RALGAPA2: variants seen among roughly 807,000 people sequenced by gnomAD.
RALGAPA2 encodes ral GTPase-activating protein subunit alpha-2.
In RALGAPA2, 139 loss-of-function variants were observed where a neutral mutation model predicts 230.4. That is an observed-to-expected ratio of 0.60 (90% CI 0.53 to 0.69). The LOEUF is 0.69. Ranked by LOEUF, RALGAPA2 falls within the 30% of genes least tolerant of loss-of-function variation. RALGAPA2 has a pLI of 0.00. For missense variants in RALGAPA2, 2,163 were observed against 2,276.0 expected, an observed-to-expected ratio of 0.95 and a Z score of 1.01; for synonymous variants, 847 against 837.8, an observed-to-expected ratio of 1.01 and a Z score of -0.19.
At chr20:20,637,591 C>T in intron 7 of RALGAPA2, 90 bp from the exon 8 acceptor site, 1 of 1,167,334 alleles carries the variant, frequency 8.6e-7, no homozygotes, top group Non-Finnish European at 1.2e-6. Context: ...TACTAAAATT[C>T]CTAACCTAAA....
chr20:20,393,084 G>T lies in RALGAPA2; in HGVS notation c.*205C>A. 7.4e-7 allele frequency: 1 copy of T among 1,346,890 alleles called. No homozygotes were observed. Among genetic ancestry groups the T allele is most frequent in the Admixed American group, 2.0e-5 (1 of 50,332 alleles). The allele number at this position is 1,346,890 out of a possible 1,614,324, so 83.4% of individuals were successfully genotyped here. A position where few individuals can be genotyped will look rare whatever the true frequency, so the allele number is the denominator to read the frequency against. The stretch of plus-strand genomic sequence containing the variant: ...AGACACGGTAGTGGGATTCACCATG[G>T]GCTTCAGAAGTCCACTAATGGGAAG... On this transcript the variant is annotated 3_prime_UTR_variant, in exon 40 of 40. Coordinates refer to ENST00000202677, the MANE Select transcript of RALGAPA2 (RefSeq NM_020343.4).
Position 20,712,600 on chromosome 20 carries a change from T to TGCC in RALGAPA2, c.-121_-120insGGC, listed in dbSNP as rs1555833888. On this transcript the variant is annotated 5_prime_UTR_variant, in exon 1 of 40. Coordinates refer to ENST00000202677, the MANE Select transcript of RALGAPA2 (RefSeq NM_020343.4). The surrounding 1 kb of genome is among the most constrained non-coding windows in gnomAD (Gnocchi z 5.5). ...GGCCACTCGCCGCCCCCAGCCCCGC[T>TGCC]GCTGCCGCCGCCGCCGCCGCCGCCG... 6 of 1,161,794 alleles carry TGCC rather than the reference T, an allele frequency of 5.2e-6. No individual in the cohort carries two copies. In the African/African-American group the frequency reaches 6.6e-5, roughly 13 times the overall value. The allele number at this position is 1,161,794 out of a possible 1,614,324, so 72.0% of individuals were successfully genotyped here.
At chr20:20,524,756 T>C (rs2063149638) in intron 29 of RALGAPA2, 74 bp downstream of exon 29, 5 of 1,381,018 alleles carry the variant, frequency 3.6e-6, no homozygotes, top group East Asian at 2.5e-5. Flanking sequence ...TCACTAGTTG[T>C]AACATTATTT....
At chr20:20,542,278 A>G (rs1469449362) in intron 24 of RALGAPA2, among the ~76,000 whole-genome samples, 2 of 152,194 alleles carry the variant, frequency 1.3e-5, no homozygotes, top group Non-Finnish European at 2.9e-5. Context: ...ACAAATGGAA[A>G]AACATTCCAT....
intron 28 of RALGAPA2, among the ~76,000 whole-genome samples, chr20:20,525,896 G>A (rs1174998970): frequency 6.6e-6 from 1 of 152,164 alleles, no homozygotes; most frequent in African/African-American, 2.4e-5. Context: ...CACAACAGCT[G>A]CCCCCCTCCA....
intron 1 of RALGAPA2, among the ~76,000 whole-genome samples, chr20:20,703,745 C>T (rs2069487979): frequency 6.6e-6 from 1 of 152,046 alleles, no homozygotes; most frequent in African/African-American, 2.4e-5. Flanking sequence ...TGGAGTCATA[C>T]CCAGCAGGGG....
At chr20:20,702,268 T>C (rs965046108) in intron 1 of RALGAPA2, among the ~76,000 whole-genome samples, 4 of 151,996 alleles carry the variant, frequency 2.6e-5, no homozygotes, top group African/African-American at 9.7e-5. Flanking sequence ...AAATGGATGG[T>C]AGATTAGTGT....
At chr20:20,664,626 C>A (rs1487856226) in intron 3 of RALGAPA2, among the ~76,000 whole-genome samples, 1 of 152,172 alleles carries the variant, frequency 6.6e-6, no homozygotes, top group Admixed American at 6.5e-5. Context: ...TGCCTGAAAA[C>A]TACTGCATTT....
At chr20:20,560,726 T>C (rs570577548) in intron 23 of RALGAPA2, among the ~76,000 whole-genome samples, 1 of 152,350 alleles carries the variant, frequency 6.6e-6, no homozygotes, top group African/African-American at 2.4e-5. Context: ...ATAACTTTAG[T>C]ACCTGAAATG....
rs540895051 is a variant in RALGAPA2 at position 20,413,121 on chromosome 20, C to T, written c.5496-973G>A. On this transcript the variant is annotated intron_variant, in intron 37 of 39. Coordinates refer to ENST00000202677, the MANE Select transcript of RALGAPA2 (RefSeq NM_020343.4). ...CAAAAGTTAAAAGACATGTTTCAGT[C>T]GTTTTGAAAATCATGCTAATTCTCC... is the stretch of plus-strand genomic sequence containing the variant. Among the ~76,000 whole-genome samples the T allele has an allele frequency of 3.3e-5, 5 of 152,292 alleles. No homozygotes were observed. In the South Asian group the frequency reaches 8.3e-4, roughly 25 times the overall value.
chr20:20,630,227 C>G (rs1173715625), intron 9 of RALGAPA2, among the ~76,000 whole-genome samples: 2 of 152,220 alleles, frequency 1.3e-5, no homozygotes, highest in Non-Finnish European at 2.9e-5. Flanking sequence ...AAGCTTAACA[C>G]TGATTTCTGC....
At chr20:20,588,164 C>T (rs570278285) in intron 18 of RALGAPA2, among the ~76,000 whole-genome samples, 5 of 152,050 alleles carry the variant, frequency 3.3e-5, no homozygotes, top group Non-Finnish European at 7.4e-5. Context: ...TGCTGAAACA[C>T]ATACAAGAAT....
chr20:20,599,606 G>A (rs984755468), intron 16 of RALGAPA2, among the ~76,000 whole-genome samples: 10 of 152,162 alleles, frequency 6.6e-5, no homozygotes, highest in African/African-American at 2.2e-4. Context: ...TTAATGAAAT[G>A]GAACTACAAA....
chr20:20,670,475 G>T (rs2068095762), intron 3 of RALGAPA2, among the ~76,000 whole-genome samples: 1 of 152,132 alleles, frequency 6.6e-6, no homozygotes, highest in Admixed American at 6.5e-5. Context: ...AGAAGGAAAG[G>T]ATTAAACAGA....
At chr20:20,573,952 G>C (rs6112941) in intron 20 of RALGAPA2, among the ~76,000 whole-genome samples, 2 of 152,148 alleles carry the variant, frequency 1.3e-5, no homozygotes, top group South Asian at 4.1e-4. Flanking sequence ...TAAATATCTA[G>C]GAGTGAGATT....
rs374500543 is a variant in RALGAPA2 at position 20,611,327 on chromosome 20, C to A, written c.1788G>T (p.Gly596=). Residue 596 remains glycine, a synonymous_variant, in exon 14 of 40, where the codon GGG becomes GGT. Coordinates refer to ENST00000202677, the MANE Select transcript of RALGAPA2 (RefSeq NM_020343.4). ...AAAAAAGACTTACCCTAAATAGTAA[C>A]CCTGCCAAGCTCTGGGCAAACAAGT... ...IKDLFAQSLA[G]LLFRTLMVAW... is the part of the protein sequence containing the mutation. 3.7e-5 allele frequency: 60 copies of A among 1,611,312 alleles called. No homozygotes were observed. Among genetic ancestry groups the A allele is most frequent in the Non-Finnish European group, 5.1e-5 (60 of 1,178,316 alleles).
At chr20:20,470,389 C>T (rs2061511987) in intron 37 of RALGAPA2, among the ~76,000 whole-genome samples, 2 of 152,158 alleles carry the variant, frequency 1.3e-5, no homozygotes. Flanking sequence ...GGGGAGAGGA[C>T]AGAGAGATAA....
At chr20:20,531,853 G>T in intron 26 of RALGAPA2, 58 bp from the exon 27 acceptor site, 2 of 1,286,960 alleles carry the variant, frequency 1.6e-6, no homozygotes, top group Non-Finnish European at 2.2e-6. Flanking sequence ...TACTTTCTCA[G>T]TATTTTCAAA....
At chr20:20,440,896 A>G (rs1483513312) in intron 37 of RALGAPA2, among the ~76,000 whole-genome samples, 1 of 152,252 alleles carries the variant, frequency 6.6e-6, no homozygotes, top group Non-Finnish European at 1.5e-5. Context: ...ATCATTGAAC[A>G]ATGTTGCTGA....
Sources: gnomAD v4.1 joint callset for allele counts (sites outside exome capture counted in the v4.1 genomes callset) on GRCh38, gnomAD v4.1.1 for gene constraint, Gnocchi (gnomAD v3.1) non-coding constraint, MANE v1.5 for transcripts, NCBI Gene and HGNC (gene_info 2026-07-23, HGNC 2026-07-21) for gene names.